The following LETM2 variants were observed in gnomAD, a reference collection of about 807,000 sequenced individuals.
LETM2 encodes the protein LETM1 domain-containing protein LETM2, mitochondrial.
Under a neutral mutation model 59.6 loss-of-function variants are expected in LETM2, and 58 were observed. The ratio of observed to expected loss-of-function variants is 0.97; its 90% confidence interval spans 0.79 to 1.21. The LOEUF (loss-of-function observed/expected upper bound fraction) is 1.21, where lower values mean the gene tolerates loss of function less well. LETM2 is among the 50% of genes most tolerant of loss of function. The pLI, the probability that LETM2 is intolerant of heterozygous loss-of-function variation, is 0.00. For synonymous variants in LETM2, 199 were observed against 214.1 expected, an observed-to-expected ratio of 0.93 and a Z score of 0.62; for missense variants, 572 against 575.7, an observed-to-expected ratio of 0.99 and a Z score of 0.07.
intron 2 of LETM2, among the ~76,000 whole-genome samples, chr8:38,391,196 A>C (rs1209454059): frequency 2.9e-5 from 4 of 140,210 alleles, no homozygotes; most frequent in African/African-American, 8.1e-5. Context: ...AAAAAAAAAA[A>C]AACAAAAAAA....
At chr8:38,407,598 T>C (rs1813834707) in intron 10 of LETM2, 135 bp downstream of exon 10, 3 of 646,318 alleles carry the variant, frequency 4.6e-6, no homozygotes. Flanking sequence ...CAGGAAATTG[T>C]AGGCCAAACT....
At chr8:38,393,212 A>T (rs568871635) in intron 3 of LETM2, 51 of 497,476 alleles carry the variant, frequency 1.0e-4, no homozygotes, top group South Asian at 2.5e-4. Context: ...AACGGTTTTT[A>T]AAAAAAACTT....
chr8:38,395,317 T>C (rs1029711850), intron 4 of LETM2, among the ~76,000 whole-genome samples: 28 of 152,228 alleles, frequency 1.8e-4, no homozygotes, highest in Admixed American at 5.9e-4. Context: ...CCGAAGTGGC[T>C]GTATTGTTCT....
chr8:38,399,870 T>G (rs1813029856), intron 4 of LETM2, among the ~76,000 whole-genome samples: 1 of 151,520 alleles, frequency 6.6e-6, no homozygotes, highest in African/African-American at 2.4e-5. Flanking sequence ...CACTTGAGTC[T>G]GGGAGGTGGA....
intron 2 of LETM2, among the ~76,000 whole-genome samples, chr8:38,390,644 A>AG (rs1185728765): frequency 6.7e-5 from 10 of 148,488 alleles, no homozygotes; most frequent in Admixed American, 6.7e-4. Flanking sequence ...AAAAAAAAAA[A>AG]GAACCAAGAC....
At chr8:38,406,882 TAA>T (rs1390810146) in intron 8 of LETM2, 62 bp from the exon 9 acceptor site, 36 of 1,090,424 alleles carry the variant, frequency 3.3e-5, no homozygotes, top group Non-Finnish European at 4.3e-5. Flanking sequence ...TTGACTACTG[TAA>T]AAGTTTCTGG....
At chr8:38,408,100 C>G in intron 10 of LETM2, 112 bp from the exon 11 acceptor site, 1 of 736,078 alleles carries the variant, frequency 1.4e-6, no homozygotes, top group Non-Finnish European at 2.3e-6. Flanking sequence ...ATTATAATCT[C>G]AGATTTGACT....
At chr8:38,396,939 A>G (rs1216329183) in intron 4 of LETM2, 1 of 322,002 alleles carries the variant, frequency 3.1e-6, no homozygotes, top group Non-Finnish European at 6.1e-6. Flanking sequence ...TAAAGAAAAC[A>G]GAAATCCACT....
At chr8:38,395,777 A>C (rs1438190449) in intron 4 of LETM2, among the ~76,000 whole-genome samples, 1 of 152,106 alleles carries the variant, frequency 6.6e-6, no homozygotes, top group Non-Finnish European at 1.5e-5. Context: ...CAGCCTCCCA[A>C]AGTGTTGGGA....
chr8:38,384,174 C>T (rs1385699683), upstream of LETM2, among the ~76,000 whole-genome samples: 2 of 150,136 alleles, frequency 1.3e-5, no homozygotes, highest in Admixed American at 1.3e-4. Context: ...TCTTTTTCTT[C>T]CTCCTGTGTC....
At chr8:38,399,593 C>CA (rs1413449479) in intron 4 of LETM2, among the ~76,000 whole-genome samples, 4 of 151,924 alleles carry the variant, frequency 2.6e-5, no homozygotes, top group African/African-American at 4.8e-5. Context: ...GCCTGGCCAA[C>CA]ATGGTGAAAA....
At chr8:38,404,030 A>AT (rs887014189) in intron 7 of LETM2, among the ~76,000 whole-genome samples, 2 of 152,014 alleles carry the variant, frequency 1.3e-5, no homozygotes, top group South Asian at 2.1e-4. Flanking sequence ...TAATTAGAAA[A>AT]TTTTTTTGTA....
rs748742668 is a variant in LETM2 at position 38,390,247 on chromosome 8, C to T, written c.47+2217C>T. 3.3e-5 allele frequency among the ~76,000 whole-genome samples: 5 copies of T among 151,776 alleles called. No homozygotes were observed. The South Asian group carries it at 6.2e-4, about 19-fold the overall frequency. On this transcript the variant is annotated intron_variant, in intron 2 of 10. Transcript: ENST00000379957. ...CCTGTAATCTCAGCTCCTTGGGAGG[C>T]CGAGGTAGGAAGATTGCTTTAGCCC...
intron 2 of LETM2, 56 bp downstream of exon 2, chr8:38,388,086 T>C: frequency 8.0e-7 from 1 of 1,256,880 alleles, no homozygotes; most frequent in Non-Finnish European, 1.1e-6. Flanking sequence ...TCTTCTTTTT[T>C]TTTTTTTTTT....
chr8:38,394,045 G>T, intron 3 of LETM2, 53 bp from the exon 4 acceptor site: 2 of 1,318,208 alleles, frequency 1.5e-6, no homozygotes, highest in Non-Finnish European at 1.9e-6. Context: ...TTTCATTTTT[G>T]TTTTTGGCAT....
intron 6 of LETM2, among the ~76,000 whole-genome samples, chr8:38,402,239 G>A (rs1286903384): frequency 6.6e-6 from 1 of 152,164 alleles, no homozygotes; most frequent in Admixed American, 6.5e-5. Flanking sequence ...AAGTATGTAT[G>A]TCACAACCAG....
rs752306519 is a variant in LETM2, at chr8:38,402,594, A to T, written c.1054A>T (p.Met352Leu). 2 of 1,614,042 alleles carry T rather than the reference A, an allele frequency of 1.2e-6. No individual in the cohort carries two copies. Among genetic ancestry groups the T allele is most frequent in the Admixed American group, 3.3e-5 (2 of 60,018 alleles). Residue 352 changes from methionine (M) to leucine (L), a missense_variant, in exon 7 of 11, where the codon ATG becomes TTG. Transcript: ENST00000379957. ...ELQAACRARG[M>L]RSLGLTEEQL... is the part of the protein sequence containing the mutation. Reference sequence around the variant, plus strand: ...ACAGGCTGCCTGTAGGGCCCGAGGGATGAGATCACTGGGTCTCACGGAGGA... The same window carrying T: ...ACAGGCTGCCTGTAGGGCCCGAGGGTTGAGATCACTGGGTCTCACGGAGGA...
rs981997582 is a variant in LETM2, at chr8:38,392,927, A to G, written c.433A>G (p.Lys145Glu). The G allele has an allele frequency of 6.2e-7, 1 of 1,612,556 alleles. No homozygotes were observed. ...NGFYLLWIDA[K>E]VAARMVWRLL... ...ATTCTACTTACTTTGGATTGACGCC[A>G]AAGTTGCTGCCAGAATGGTTTGGAG... Residue 145 changes from lysine (K) to glutamate (E), a missense_variant, in exon 3 of 11, where the codon AAA (lysine) becomes GAA (glutamate). Transcript: ENST00000379957.
chr8:38,404,413 G>A lies in LETM2; in HGVS notation c.1125G>A (p.Lys375=). 1.2e-6 allele frequency: 2 copies of A among 1,613,750 alleles called. No homozygotes were observed. The highest frequency in any genetic ancestry group is 1.3e-5 in the African/African-American group (1 of 75,018). Residue 375 remains lysine (K), a synonymous_variant, in exon 8 of 11, where the codon AAG becomes AAA. Coordinates refer to ENST00000379957, the MANE Select transcript of LETM2 (RefSeq NM_001286819.2). ...TCCAGTGGCAGGACCTCCACCTGAA[G>A]GAGAACGTCCCTCCTTCCCTTTTGC... ...QLTEWQDLHL[K]ENVPPSLLLL...
Sources: allele counts gnomAD v4.1 joint callset (sites outside exome capture counted in the v4.1 genomes callset), GRCh38; gene constraint gnomAD v4.1.1; transcripts MANE v1.5; gene names NCBI Gene and HGNC (gene_info 2026-07-23, HGNC 2026-07-21).